TENM1: variants seen among roughly 807,000 people sequenced by gnomAD.
TENM1 encodes the protein teneurin transmembrane protein 1, also known as teneurin-1.
Under a neutral mutation model 174.8 loss-of-function variants are expected in TENM1, and 35 were observed. The observed-to-expected ratio is 0.20, with a 90% CI of 0.15 to 0.27. The LOEUF is 0.27. TENM1 is among the 10% of genes least tolerant of loss of function. The pLI is 1.00. For missense variants in TENM1, 1,633 were observed against 2,130.1 expected (o/e 0.77, Z 4.59); for synonymous variants, 781 against 798.7 (o/e 0.98, Z 0.37).
intron 20 of TENM1, among the ~76,000 whole-genome samples, chrX:124,496,062 ACCG>A (rs2047194611): frequency 9.5e-6 from 1 of 105,349 alleles, no homozygotes; most frequent in Non-Finnish European, 1.9e-5. Flanking sequence ...CAGAAATAAC[ACCG>A]CATATCTACA....
chrX:124,878,712 C>T (rs2147506445), intron 3 of TENM1, among the ~76,000 whole-genome samples: 2 of 111,374 alleles, frequency 1.8e-5, no homozygotes, highest in East Asian at 5.7e-4. Context: ...TTGTAAATTA[C>T]CCAGCCTCAG....
the TENM1 span, among the ~76,000 whole-genome samples, chrX:125,059,732 A>G: frequency 1.2e-4 from 13 of 111,598 alleles, no homozygotes; most frequent in Non-Finnish European, 1.9e-5. Flanking sequence ...GTATTCATCA[A>G]CAGACAAATG....
At chrX:124,858,738 A>C (rs1289650665) in intron 3 of TENM1, among the ~76,000 whole-genome samples, 1 of 111,630 alleles carries the variant, frequency 9.0e-6, no homozygotes, top group East Asian at 2.8e-4. Context: ...AAAAGGTCTC[A>C]CAAAATGGTA....
At chrX:125,072,262 C>G in the TENM1 span, among the ~76,000 whole-genome samples, 1 of 111,540 alleles carries the variant, frequency 9.0e-6, no homozygotes, top group Admixed American at 9.5e-5. Flanking sequence ...TTTTCCTTTC[C>G]TTTATTGGAA....
chrX:124,443,448 C>T (rs756612550), intron 23 of TENM1, among the ~76,000 whole-genome samples: 7 of 111,663 alleles, frequency 6.3e-5, no homozygotes, highest in African/African-American at 2.0e-4. Flanking sequence ...AAAAGAGCAT[C>T]TAAATTCTTT....
intron 6 of TENM1, among the ~76,000 whole-genome samples, chrX:124,670,551 G>A (rs190000341): frequency 2.4e-4 from 27 of 111,454 alleles, no homozygotes; most frequent in Non-Finnish European, 4.0e-4. Flanking sequence ...TTTGAAATGA[G>A]AACATACAGC....
chrX:125,202,980 T>C, the TENM1 span, among the ~76,000 whole-genome samples: 1 of 112,094 alleles, frequency 8.9e-6, no homozygotes, highest in Non-Finnish European at 1.9e-5. Flanking sequence ...ACCAAGTCTC[T>C]GGATGAAATG....
At chrX:124,563,666 A>C (rs2048875965) in intron 13 of TENM1, 83 bp downstream of exon 16, 1 of 811,781 alleles carries the variant, frequency 1.2e-6, no homozygotes, top group Admixed American at 3.3e-5. Context: ...ACAAATGCCA[A>C]AAAACGCTAC....
chrX:124,542,320 T>C (rs778469904), intron 15 of TENM1, among the ~76,000 whole-genome samples: 39 of 112,324 alleles, frequency 3.5e-4, no homozygotes, highest in African/African-American at 1.2e-3. Flanking sequence ...GATTTAGAAA[T>C]GATGACAATT....
At chrX:124,944,962 C>G (rs2058380478) in intron 1 of TENM1, among the ~76,000 whole-genome samples, 1 of 110,714 alleles carries the variant, frequency 9.0e-6, no homozygotes, top group Non-Finnish European at 1.9e-5. Flanking sequence ...GTAATTACTC[C>G]TAGCACACCC....
chrX:124,478,241 C>T (rs1337870735), intron 22 of TENM1, among the ~76,000 whole-genome samples: 1 of 112,354 alleles, frequency 8.9e-6, no homozygotes, highest in Non-Finnish European at 1.9e-5. Flanking sequence ...CAGTGAGGTA[C>T]AGTGACTTGC....
intron 3 of TENM1, among the ~76,000 whole-genome samples, chrX:124,859,853 A>G (rs1411934845): frequency 1.8e-5 from 2 of 112,261 alleles, no homozygotes; most frequent in African/African-American, 6.5e-5. Context: ...AGATGAACAA[A>G]TTGCTGACCT....
chrX:124,978,986 C>A, the TENM1 span, among the ~76,000 whole-genome samples: 1 of 112,125 alleles, frequency 8.9e-6, no homozygotes, highest in Admixed American at 9.5e-5. Flanking sequence ...GCCTTCCCCA[C>A]CGGCCCAAGT....
chrX:124,447,694 T>C (rs920043674), intron 23 of TENM1, among the ~76,000 whole-genome samples: 13 of 111,693 alleles, frequency 1.2e-4, no homozygotes, highest in African/African-American at 3.9e-4. Flanking sequence ...TCTTGGCTTT[T>C]TTGACACCTT....
At chrX:124,649,339 T>C (rs2051239121) in intron 8 of TENM1, among the ~76,000 whole-genome samples, 1 of 112,574 alleles carries the variant, frequency 8.9e-6, no homozygotes, top group Admixed American at 9.4e-5. Context: ...TGAATACTCT[T>C]ATAGAATGAG....
rs950434036 is a variant in TENM1, at chrX:124,542,904, A to C, written c.2651+3970T>G. On this transcript the variant is annotated intron_variant, in intron 15 of 31. Transcript: ENST00000422452. The stretch of plus-strand genomic sequence containing the variant: ...GTTCAGTCATCTTTTTCCTCTTTTT[A>C]AACCACTATAATAAAAGTTCAAAAA... Among the ~76,000 whole-genome samples the C allele has an allele frequency of 7.1e-5, 8 of 112,292 alleles. No homozygotes were observed. The Admixed American group carries it at 7.6e-4, about 11-fold the overall frequency.
intron 3 of TENM1, among the ~76,000 whole-genome samples, chrX:124,755,855 T>A (rs1277071532): frequency 9.2e-6 from 1 of 108,288 alleles, no homozygotes; most frequent in Non-Finnish European, 1.9e-5. Context: ...TGCCGAGAGA[T>A]CTGCTGTTAG....
intron 3 of TENM1, among the ~76,000 whole-genome samples, chrX:124,847,473 T>A (rs1382106194): frequency 1.8e-5 from 2 of 111,048 alleles, no homozygotes; most frequent in Non-Finnish European, 3.8e-5. Context: ...GGACATGCAA[T>A]TCAGGGTGAT....
chrX:125,009,111 TC>T, the TENM1 span, among the ~76,000 whole-genome samples: 1 of 93,935 alleles, frequency 1.1e-5, no homozygotes, highest in East Asian at 3.2e-4. Flanking sequence ...TTTTTTTTTT[TC>T]CGGAAAAAAA....
Sources: gnomAD v4.1 joint callset for allele counts (sites outside exome capture counted in the v4.1 genomes callset) on GRCh38, gnomAD v4.1.1 for gene constraint, MANE v1.5 for transcripts, NCBI Gene and HGNC (gene_info 2026-07-23, HGNC 2026-07-21) for gene names.